Variants in GRID2 observed in about 807,000 individuals in gnomAD.
The protein encoded by GRID2 is glutamate ionotropic receptor delta type subunit 2, also known as glutamate receptor ionotropic, delta-2.
In GRID2, 33 loss-of-function variants were observed where a neutral mutation model predicts 114.8. The observed-to-expected ratio is 0.29, with a 90% confidence interval of 0.22 to 0.38. The LOEUF (loss-of-function observed/expected upper bound fraction) is 0.38, where lower values mean the gene tolerates loss of function less well. Ranked by LOEUF, GRID2 falls within the 10% of genes least tolerant of loss-of-function variation. GRID2 has a pLI of 1.00. For synonymous variants in GRID2, 505 were observed against 449.9 expected (o/e 1.12, Z -1.55); for missense variants, 1,184 against 1,257.7 (o/e 0.94, Z 0.89).
intron 13 of GRID2, among the ~76,000 whole-genome samples, chr4:93,593,574 T>G (rs1287578069): frequency 1.3e-5 from 2 of 148,698 alleles, no homozygotes; most frequent in African/African-American, 2.5e-5. Flanking sequence ...TGGCGTTCTC[T>G]GTATTTCCTG....
chr4:92,942,865 A>G (rs2149539208), intron 2 of GRID2, among the ~76,000 whole-genome samples: 1 of 152,226 alleles, frequency 6.6e-6, no homozygotes, highest in African/African-American at 2.4e-5. Flanking sequence ...CTGGGTTGAA[A>G]ATTCTTTTCT....
At chr4:92,332,473 C>T (rs538360919) in intron 1 of GRID2, among the ~76,000 whole-genome samples, 22 of 152,262 alleles carry the variant, frequency 1.4e-4, no homozygotes, top group African/African-American at 2.9e-4. Flanking sequence ...ATTCAAACCA[C>T]GGCGTTCCAC....
chr4:93,085,677 T>G (rs1466794531), intron 3 of GRID2, among the ~76,000 whole-genome samples: 1 of 152,162 alleles, frequency 6.6e-6, no homozygotes, highest in Non-Finnish European at 1.5e-5. Flanking sequence ...CACTGAAAAT[T>G]TACCTCTTTC....
At chr4:92,948,296 A>G (rs1420903552) in intron 2 of GRID2, among the ~76,000 whole-genome samples, 10 of 151,748 alleles carry the variant, frequency 6.6e-5, no homozygotes, top group Non-Finnish European at 1.5e-4. Flanking sequence ...CTTTTTTGCT[A>G]CTTGTATTTG....
At chr4:93,047,353 T>C (rs1422275725) in intron 2 of GRID2, among the ~76,000 whole-genome samples, 1 of 152,112 alleles carries the variant, frequency 6.6e-6, no homozygotes, top group Non-Finnish European at 1.5e-5. Context: ...TCAATATTGG[T>C]TCATCAATTA....
chr4:92,617,545 T>G (rs1730060404), intron 2 of GRID2, among the ~76,000 whole-genome samples: 1 of 151,792 alleles, frequency 6.6e-6, no homozygotes, highest in Non-Finnish European at 1.5e-5. Flanking sequence ...AATGACAGGA[T>G]ATCATTCTTT....
At chr4:92,761,558 C>T (rs1738013452) in intron 2 of GRID2, among the ~76,000 whole-genome samples, 1 of 152,088 alleles carries the variant, frequency 6.6e-6, no homozygotes, top group South Asian at 2.1e-4. Flanking sequence ...TAAGTGCCAC[C>T]AAAATGCAGA....
intron 2 of GRID2, 148 bp downstream of exon 2, chr4:92,590,434 A>T (rs1728656024): frequency 1.8e-6 from 1 of 566,810 alleles, no homozygotes; most frequent in African/African-American, 1.9e-5. Context: ...TGTTTTGTAG[A>T]TGTTAATCTT....
chr4:93,179,963 A>G (rs1239007236), intron 4 of GRID2, among the ~76,000 whole-genome samples: 1 of 152,152 alleles, frequency 6.6e-6, no homozygotes, highest in Non-Finnish European at 1.5e-5. Context: ...TGAATTTTGC[A>G]TTCTAACTCT....
chr4:92,486,913 GA>G (rs1722926208), intron 1 of GRID2, among the ~76,000 whole-genome samples: 1 of 151,840 alleles, frequency 6.6e-6, no homozygotes, highest in Non-Finnish European at 1.5e-5. Flanking sequence ...TAACCCAAAG[GA>G]ACGTTTAATT....
intron 2 of GRID2, among the ~76,000 whole-genome samples, chr4:92,644,867 TA>T (rs1307577174): frequency 9.9e-5 from 15 of 151,570 alleles, no homozygotes; most frequent in African/African-American, 3.6e-4. Context: ...GTAAAATATT[TA>T]TGATTTATGT....
intron 1 of GRID2, among the ~76,000 whole-genome samples, chr4:92,528,568 T>C (rs149949025): frequency 8.5e-5 from 13 of 152,140 alleles, no homozygotes; most frequent in African/African-American, 2.2e-4. Flanking sequence ...TTAGAACATA[T>C]GCTATGTTTA....
At chr4:93,091,609 T>A (rs1346527360) in intron 3 of GRID2, among the ~76,000 whole-genome samples, 1 of 152,156 alleles carries the variant, frequency 6.6e-6, no homozygotes, top group African/African-American at 2.4e-5. Context: ...TTCATCCTAA[T>A]AACTGTGATG....
chr4:93,413,164 A>T (rs1414672265), intron 9 of GRID2, among the ~76,000 whole-genome samples: 1 of 152,142 alleles, frequency 6.6e-6, no homozygotes, highest in Non-Finnish European at 1.5e-5. Context: ...TCCTTGAGGA[A>T]TCGCCACACT....
chr4:92,431,518 C>T (rs1732448552), intron 1 of GRID2, among the ~76,000 whole-genome samples: 1 of 149,408 alleles, frequency 6.7e-6, no homozygotes, highest in Non-Finnish European at 1.5e-5. Flanking sequence ...AGGATTTTTG[C>T]ATCAGTGTTC....
intron 2 of GRID2, among the ~76,000 whole-genome samples, chr4:93,056,383 A>G (rs1218068778): frequency 6.6e-6 from 1 of 151,860 alleles, no homozygotes; most frequent in Non-Finnish European, 1.5e-5. Flanking sequence ...AAAGGAAATA[A>G]TAGTGATCAG....
intron 11 of GRID2, among the ~76,000 whole-genome samples, chr4:93,477,861 C>T (rs1580195240): frequency 1.3e-5 from 2 of 152,094 alleles, no homozygotes; most frequent in African/African-American, 4.8e-5. Flanking sequence ...TAAATGCTAT[C>T]ACTGCCACTA....
In GRID2 at chr4:93,774,417, A is replaced by G. The variant is rs923357787; in HGVS notation, c.*1919A>G. On this transcript the variant is annotated 3_prime_UTR_variant, in exon 16 of 16. Coordinates refer to ENST00000282020, the MANE Select transcript of GRID2 (RefSeq NM_001510.4). The stretch of plus-strand genomic sequence containing the variant: ...TATCAACAAACTGTTAACCATGTAC[A>G]ATATTTAAAATAGGCTTATTTTGAT... 2 of 152,148 alleles carry G rather than the reference A, an allele frequency of 1.3e-5. No individual in the cohort carries two copies. The highest frequency in any genetic ancestry group is 4.8e-5 in the African/African-American group (2 of 41,462). The allele number at this position is 152,148 out of a possible 1,614,324, so 9.4% of individuals were successfully genotyped here.
chr4:92,692,937 A>G (rs983831506), intron 2 of GRID2, among the ~76,000 whole-genome samples: 6 of 151,666 alleles, frequency 4.0e-5, no homozygotes, highest in African/African-American at 1.5e-4. Flanking sequence ...GCAAGAGAAT[A>G]TCTTGAGTCC....
Sources: allele counts gnomAD v4.1 joint callset (sites outside exome capture counted in the v4.1 genomes callset), GRCh38; gene constraint gnomAD v4.1.1; transcripts MANE v1.5; gene names NCBI Gene and HGNC (gene_info 2026-07-23, HGNC 2026-07-21).